Variants in WWOX observed in about 807,000 individuals in gnomAD.
The protein encoded by WWOX is WW domain containing oxidoreductase.
A neutral mutation model predicts 46.2 loss-of-function variants in WWOX; 69 were observed. The ratio of observed to expected loss-of-function variants is 1.49; its 90% confidence interval spans 1.23 to 1.82. The LOEUF (loss-of-function observed/expected upper bound fraction) is 1.82, where lower values mean the gene tolerates loss of function less well. Ranked by LOEUF, WWOX falls within the 40% of genes most tolerant of loss-of-function variation. The pLI is 0.00. For missense variants in WWOX, 919 were observed against 542.6 expected (o/e 1.69, Z -6.89); for synonymous variants, 359 against 202.6 (o/e 1.77, Z -6.56).
At chr16:78,713,794 C>T (rs114242300) in intron 8 of WWOX, among the ~76,000 whole-genome samples, 8 of 152,238 alleles carry the variant, frequency 5.3e-5, no homozygotes, top group Admixed American at 3.3e-4. Context: ...CCTAGTCTGT[C>T]ACATTTTCTT....
chr16:78,748,006 A>G (rs1035461777), intron 8 of WWOX, among the ~76,000 whole-genome samples: 1 of 152,176 alleles, frequency 6.6e-6, no homozygotes, highest in Non-Finnish European at 1.5e-5. Flanking sequence ...CTCCAAGTCC[A>G]TCTGCGCCGA....
chr16:78,907,442 T>C (rs543037976), intron 8 of WWOX, among the ~76,000 whole-genome samples: 1 of 152,250 alleles, frequency 6.6e-6, no homozygotes, highest in Non-Finnish European at 1.5e-5. Flanking sequence ...TTCAGGCTCC[T>C]GTCCTCCTCC....
chr16:78,924,264 G>A (rs1042656902), intron 8 of WWOX, among the ~76,000 whole-genome samples: 3 of 152,128 alleles, frequency 2.0e-5, no homozygotes, highest in African/African-American at 7.2e-5. Flanking sequence ...TTTATAATGT[G>A]GTTAGACAAG....
chr16:78,385,797 G>A lies in WWOX; in HGVS notation c.517-1063G>A, dbSNP rs138074490. Among the ~76,000 whole-genome samples the A allele has an allele frequency of 2.6e-4, 40 of 152,250 alleles. 1 individual carries two copies. The East Asian group carries it at 2.9e-3, about 11-fold the overall frequency. On this transcript the variant is annotated intron_variant, in intron 5 of 8. Coordinates refer to ENST00000566780, the MANE Select transcript of WWOX (RefSeq NM_016373.4). ...TTCCCAAGTCAACCGTTTGTTTTACGGGACTCTTCTTATTTGAATAGGCAG... is the reference window on the plus strand; with the variant it reads ...TTCCCAAGTCAACCGTTTGTTTTACAGGACTCTTCTTATTTGAATAGGCAG...
intron 8 of WWOX, among the ~76,000 whole-genome samples, chr16:78,790,875 C>T (rs928204539): frequency 2.0e-4 from 31 of 151,662 alleles, no homozygotes; most frequent in South Asian, 6.3e-4. Context: ...AAAAATTAGC[C>T]GGGCGTTTTG....
intron 8 of WWOX, among the ~76,000 whole-genome samples, chr16:78,990,732 G>A (rs1469765195): frequency 4.6e-5 from 7 of 151,966 alleles, no homozygotes; most frequent in Non-Finnish European, 8.8e-5. Context: ...GGGAGGGAGG[G>A]AGACAGGGAA....
chr16:78,509,493 C>T (rs918045954), intron 8 of WWOX, among the ~76,000 whole-genome samples: 2 of 152,126 alleles, frequency 1.3e-5, no homozygotes, highest in South Asian at 4.2e-4. Flanking sequence ...TACTCCGTAG[C>T]CATTTTACCG....
intron 8 of WWOX, among the ~76,000 whole-genome samples, chr16:78,750,622 T>A (rs2049452833): frequency 6.6e-6 from 1 of 152,168 alleles, no homozygotes; most frequent in Non-Finnish European, 1.5e-5. Context: ...AGGTAGTTTT[T>A]CAATCCTTTT....
chr16:78,916,241 GC>G (rs1304356652), intron 8 of WWOX, among the ~76,000 whole-genome samples: 1 of 152,182 alleles, frequency 6.6e-6, no homozygotes, highest in East Asian at 1.9e-4. Flanking sequence ...AAGTTTGCCG[GC>G]CAGGAAGTTT....
At chr16:78,589,334 A>G (rs1192118966) in intron 8 of WWOX, among the ~76,000 whole-genome samples, 3 of 152,272 alleles carry the variant, frequency 2.0e-5, no homozygotes, top group Non-Finnish European at 1.5e-5. Flanking sequence ...ATGGGGGGAC[A>G]CATGCCAGCC....
chr16:78,803,270 C>T (rs1434709815), intron 8 of WWOX, among the ~76,000 whole-genome samples: 2 of 151,686 alleles, frequency 1.3e-5, no homozygotes, highest in African/African-American at 4.8e-5. Flanking sequence ...TCCAAACCAC[C>T]ACGTGCTCTT....
At chr16:78,694,881 C>A (rs116674913) in intron 8 of WWOX, among the ~76,000 whole-genome samples, 1,730 of 151,794 alleles carry the variant, frequency 0.011, 28 homozygotes, top group African/African-American at 0.04. Flanking sequence ...CCTGCACTTT[C>A]TAAATGGCCT....
intron 8 of WWOX, among the ~76,000 whole-genome samples, chr16:79,041,424 C>T (rs1175142479): frequency 1.3e-5 from 2 of 152,152 alleles, no homozygotes; most frequent in Non-Finnish European, 2.9e-5. Context: ...GGTTCCTTGC[C>T]GGTGTCCTGT....
At chr16:78,320,722 T>G (rs1397886629) in intron 5 of WWOX, among the ~76,000 whole-genome samples, 1 of 152,172 alleles carries the variant, frequency 6.6e-6, no homozygotes, top group African/African-American at 2.4e-5. Context: ...TCTGTTTCTC[T>G]TGGTTATTGA....
chr16:78,522,942 T>G (rs769660749), intron 8 of WWOX, among the ~76,000 whole-genome samples: 1 of 152,122 alleles, frequency 6.6e-6, no homozygotes, highest in Non-Finnish European at 1.5e-5. Context: ...CATGGTGGCA[T>G]GTGCCTGTAA....
In WWOX at chr16:78,422,856, C is replaced by T. The variant is rs1474296783; in HGVS notation, c.606-2014C>T. Among the ~76,000 whole-genome samples the T allele has an allele frequency of 1.1e-3, 140 of 122,738 alleles. 3 individuals are homozygous for T. The highest frequency in any genetic ancestry group is 6.6e-3 in the African/African-American group (128 of 19,320). 80.5% of individuals were successfully genotyped at this position (122,738 alleles called of 152,430 possible). A position where few individuals can be genotyped will look rare whatever the true frequency, so the allele number is the denominator to read the frequency against. On this transcript the variant is annotated intron_variant, in intron 6 of 8. Transcript: ENST00000566780. Reference sequence around the variant, plus strand: ...ATATATATACATATACACACACACACACACACACACACACACACACACACA... The same window carrying T: ...ATATATATACATATACACACACACATACACACACACACACACACACACACA...
chr16:78,316,710 C>T (rs941205665), intron 5 of WWOX, among the ~76,000 whole-genome samples: 1 of 152,092 alleles, frequency 6.6e-6, no homozygotes, highest in Non-Finnish European at 1.5e-5. Context: ...GCTGCTTTAT[C>T]CAACTTTGCA....
intron 5 of WWOX, among the ~76,000 whole-genome samples, chr16:78,330,697 G>A (rs944030953): frequency 1.3e-5 from 2 of 152,146 alleles, no homozygotes; most frequent in Non-Finnish European, 2.9e-5. Flanking sequence ...GCCCGGCAGG[G>A]AGTAACATTT....
intron 8 of WWOX, among the ~76,000 whole-genome samples, chr16:78,583,390 C>G (rs1159352701): frequency 6.6e-6 from 1 of 152,136 alleles, no homozygotes; most frequent in African/African-American, 2.4e-5. Context: ...CTTACCTACT[C>G]AAGTGTAAGA....
Sources: allele counts gnomAD v4.1 joint callset (sites outside exome capture counted in the v4.1 genomes callset), GRCh38; gene constraint gnomAD v4.1.1; transcripts MANE v1.5; gene names NCBI Gene and HGNC (gene_info 2026-07-23, HGNC 2026-07-21).